SNCAIP: variants seen among roughly 807,000 people sequenced by gnomAD.
SNCAIP encodes synphilin-1.
Under a neutral mutation model 86.7 loss-of-function variants are expected in SNCAIP, and 43 were observed. The ratio of observed to expected loss-of-function variants is 0.50; its 90% confidence interval spans 0.39 to 0.64. SNCAIP has a LOEUF of 0.64. Among genes scored for constraint, SNCAIP ranks in the 30% least tolerant of loss-of-function variants. SNCAIP has a pLI of 0.00. For missense variants in SNCAIP, 981 were observed against 1,103.1 expected, an observed-to-expected ratio of 0.89 and a Z score of 1.57; for synonymous variants, 417 against 427.2, an observed-to-expected ratio of 0.98 and a Z score of 0.29.
chr5:122,338,630 C>G (rs1756968239), intron 1 of SNCAIP, among the ~76,000 whole-genome samples: 2 of 152,034 alleles, frequency 1.3e-5, no homozygotes. Flanking sequence ...TTAAGGATGC[C>G]TTTAAGTTCT....
intron 8 of SNCAIP, among the ~76,000 whole-genome samples, chr5:122,445,709 A>G (rs977238230): frequency 3.3e-5 from 5 of 150,356 alleles, no homozygotes; most frequent in African/African-American, 1.2e-4. Context: ...CCTAGAACTT[A>G]AAGTATAATC....
At chr5:122,345,688 G>A (rs1758478673) in intron 1 of SNCAIP, among the ~76,000 whole-genome samples, 1 of 139,384 alleles carries the variant, frequency 7.2e-6, no homozygotes, top group African/African-American at 3.0e-5. Flanking sequence ...GGAGTCAGGG[G>A]ATTTGTTGTT....
chr5:122,419,072 A>G lies in SNCAIP; in HGVS notation c.131-3796A>G, dbSNP rs890462220. ...TCAAGGAAGGAGAAGGGTCAAGGAA[A>G]GAGAATAGTCAAGGATGCCTTGGAG... On this transcript the variant is annotated intron_variant, in intron 3 of 10. Transcript: ENST00000261368. Among the ~76,000 whole-genome samples the G allele has an allele frequency of 2.6e-5, 4 of 152,176 alleles. No individual in the cohort carries two copies. In the East Asian group the frequency reaches 7.7e-4, roughly 29 times the overall value.
chr5:122,460,848 T>A (rs1002108887), intron 10 of SNCAIP, among the ~76,000 whole-genome samples: 5 of 152,182 alleles, frequency 3.3e-5, no homozygotes, highest in Non-Finnish European at 1.5e-5. Flanking sequence ...TACTCTCTGT[T>A]CATGGAGACC....
chr5:122,319,719 G>A (rs574425867), intron 1 of SNCAIP, among the ~76,000 whole-genome samples: 1 of 152,318 alleles, frequency 6.6e-6, no homozygotes, highest in East Asian at 1.9e-4. Flanking sequence ...TGATGCAGAA[G>A]GAAGATATTA....
At chr5:122,387,150 T>TTTTG (rs978606513) in intron 1 of SNCAIP, among the ~76,000 whole-genome samples, 11 of 151,940 alleles carry the variant, frequency 7.2e-5, no homozygotes, top group South Asian at 2.1e-4. Context: ...TATAAAGGAT[T>TTTTG]TTTGTTTGTT....
intron 1 of SNCAIP, among the ~76,000 whole-genome samples, chr5:122,324,123 A>G (rs1753549011): frequency 6.6e-6 from 1 of 152,180 alleles, no homozygotes; most frequent in Non-Finnish European, 1.5e-5. Flanking sequence ...TATTTGATCT[A>G]TTTGAGGCAG....
chr5:122,436,638 T>G (rs576436620), intron 6 of SNCAIP: 1 of 152,204 alleles, frequency 6.6e-6, no homozygotes, highest in Non-Finnish European at 1.5e-5. Flanking sequence ...AATCTTATAA[T>G]TGGTGGCATA....
chr5:122,391,280 C>G, intron 2 of SNCAIP, 89 bp downstream of exon 2: 1 of 954,320 alleles, frequency 1.0e-6, no homozygotes. Flanking sequence ...TATATATCCT[C>G]AACTTTTCTG....
At chr5:122,371,684 G>A (rs768836953) in intron 1 of SNCAIP, 9 of 152,150 alleles carry the variant, frequency 5.9e-5, no homozygotes, top group Non-Finnish European at 1.3e-4. Context: ...CTGAGAACTG[G>A]TGGTTTTGGA....
intron 3 of SNCAIP, among the ~76,000 whole-genome samples, chr5:122,421,183 C>T (rs1254989567): frequency 1.3e-5 from 2 of 152,192 alleles, no homozygotes; most frequent in Non-Finnish European, 2.9e-5. Flanking sequence ...TGGAGAGAAT[C>T]GAGCCCTCCT....
intron 10 of SNCAIP, among the ~76,000 whole-genome samples, chr5:122,453,446 G>A (rs2737093): frequency 0.11 from 16,063 of 152,222 alleles, 1,025 homozygotes; most frequent in Non-Finnish European, 0.14. Flanking sequence ...GCTGATCTCA[G>A]GAGAAGCAAG....
intron 1 of SNCAIP, among the ~76,000 whole-genome samples, chr5:122,369,056 A>G (rs1763748195): frequency 2.6e-5 from 4 of 152,214 alleles, no homozygotes; most frequent in Admixed American, 1.3e-4. Context: ...TCTGATCTCA[A>G]GAAGGCAAGC....
chr5:122,418,336 T>G (rs1294467022), intron 3 of SNCAIP, among the ~76,000 whole-genome samples: 1 of 152,200 alleles, frequency 6.6e-6, no homozygotes. Context: ...ATGTGTTATA[T>G]CCCAAGTCTA....
chr5:122,318,966 C>CT (rs58667095), intron 1 of SNCAIP, among the ~76,000 whole-genome samples: 1,972 of 130,620 alleles, frequency 0.015, 27 homozygotes, highest in East Asian at 0.028. Flanking sequence ...CTGTTATCAT[C>CT]TTTTTTTTTT....
chr5:122,365,682 A>T (rs1314537394), intron 1 of SNCAIP, among the ~76,000 whole-genome samples: 1 of 148,962 alleles, frequency 6.7e-6, no homozygotes, highest in Non-Finnish European at 1.5e-5. Context: ...CTGTCTCCAT[A>T]AAAAAAAAGA....
At chr5:122,413,453 C>T (rs1774570267) in intron 3 of SNCAIP, among the ~76,000 whole-genome samples, 1 of 152,184 alleles carries the variant, frequency 6.6e-6, no homozygotes, top group African/African-American at 2.4e-5. Flanking sequence ...ATGTCACCTC[C>T]TTGATGAGGT....
At chr5:122,439,104 G>GA (rs1021077786) in intron 6 of SNCAIP, among the ~76,000 whole-genome samples, 3 of 151,652 alleles carry the variant, frequency 2.0e-5, no homozygotes, top group East Asian at 1.9e-4. Context: ...TACCTAATTA[G>GA]AAAAAAAACA....
chr5:122,316,765 A>G (rs2152651728), intron 1 of SNCAIP, among the ~76,000 whole-genome samples: 1 of 152,336 alleles, frequency 6.6e-6, no homozygotes, highest in Non-Finnish European at 1.5e-5. Context: ...CTAAAAGCTC[A>G]TGCAAGGTGC....
Sources: gnomAD v4.1 joint callset for allele counts (sites outside exome capture counted in the v4.1 genomes callset) on GRCh38, gnomAD v4.1.1 for gene constraint, MANE v1.5 for transcripts, NCBI Gene and HGNC (gene_info 2026-07-23, HGNC 2026-07-21) for gene names.